Variants in PLCB1 observed in about 807,000 individuals in gnomAD.
PLCB1 encodes 1-phosphatidylinositol 4,5-bisphosphate phosphodiesterase beta-1.
PLCB1 carries 46 observed loss-of-function variants against 161.8 expected under a neutral mutation model. The observed-to-expected ratio is 0.28, with a 90% CI of 0.22 to 0.36. The LOEUF is 0.36. Ranked by LOEUF, PLCB1 falls within the 10% of genes least tolerant of loss-of-function variation. The pLI, the probability that PLCB1 is intolerant of heterozygous loss-of-function variation, is 1.00. For synonymous variants in PLCB1, 517 were observed against 503.7 expected, an observed-to-expected ratio of 1.03 and a Z score of -0.35; for missense variants, 1,016 against 1,472.5, an observed-to-expected ratio of 0.69 and a Z score of 5.07.
chr20:8,499,154 C>T (rs575232802), intron 3 of PLCB1, among the ~76,000 whole-genome samples: 1 of 152,306 alleles, frequency 6.6e-6, no homozygotes, highest in East Asian at 1.9e-4. Context: ...ATGTGGTTTT[C>T]ATTCAGAAAG....
chr20:8,753,303 A>G (rs945980435), intron 23 of PLCB1, among the ~76,000 whole-genome samples: 2 of 152,136 alleles, frequency 1.3e-5, no homozygotes, highest in Admixed American at 6.6e-5. Context: ...TACTGAAACC[A>G]TCCCCTCAAT....
intron 3 of PLCB1, among the ~76,000 whole-genome samples, chr20:8,624,199 CTCTTATAT>C (rs1198007911): frequency 6.6e-6 from 1 of 152,124 alleles, no homozygotes; most frequent in Non-Finnish European, 1.5e-5. Flanking sequence ...ACTGGAAAGC[CTCTTATAT>C]GCTTGATGAT....
intron 2 of PLCB1, among the ~76,000 whole-genome samples, chr20:8,322,832 A>C (rs796948021): frequency 2.8e-4 from 42 of 152,308 alleles, no homozygotes; most frequent in African/African-American, 8.9e-4. Flanking sequence ...AGCTTACTTC[A>C]TCTGTCAGAG....
At chr20:8,133,921 G>A (rs2051317562) in intron 1 of PLCB1, among the ~76,000 whole-genome samples, 6 of 152,148 alleles carry the variant, frequency 3.9e-5, no homozygotes, top group Admixed American at 3.9e-4. Flanking sequence ...ATTTTCCAGT[G>A]TCTGAAAACA....
At chr20:8,260,121 C>T (rs1172867923) in intron 2 of PLCB1, among the ~76,000 whole-genome samples, 1 of 150,470 alleles carries the variant, frequency 6.6e-6, no homozygotes, top group Non-Finnish European at 1.5e-5. Flanking sequence ...GACAGTGTTG[C>T]CCAGACTGGA....
intron 3 of PLCB1, among the ~76,000 whole-genome samples, chr20:8,567,440 A>G (rs1266844138): frequency 1.3e-5 from 2 of 152,022 alleles, no homozygotes; most frequent in East Asian, 3.9e-4. Flanking sequence ...GGACAACCCA[A>G]TGCCTGGGAA....
chr20:8,646,625 A>G (rs1275940890), intron 5 of PLCB1, among the ~76,000 whole-genome samples: 2 of 152,210 alleles, frequency 1.3e-5, no homozygotes, highest in Non-Finnish European at 2.9e-5. Flanking sequence ...ACTTAAATCA[A>G]TAGGCTGACA....
chr20:8,679,592 G>T (rs1200459826), intron 9 of PLCB1, among the ~76,000 whole-genome samples: 2 of 152,166 alleles, frequency 1.3e-5, no homozygotes, highest in African/African-American at 4.8e-5. Context: ...CGTCATAGCA[G>T]AATTTTGAAT....
chr20:8,700,507 AC>A (rs1401012075), intron 11 of PLCB1, among the ~76,000 whole-genome samples: 10 of 152,220 alleles, frequency 6.6e-5, no homozygotes, highest in African/African-American at 2.4e-4. Flanking sequence ...GGCTGATTGA[AC>A]ATCTCTTTCT....
At chr20:8,615,932 C>A (rs1988029259) in intron 3 of PLCB1, among the ~76,000 whole-genome samples, 1 of 152,092 alleles carries the variant, frequency 6.6e-6, no homozygotes, top group African/African-American at 2.4e-5. Context: ...CATAATCATA[C>A]CCTGTACTCC....
chr20:8,661,373 G>T (rs867861298), intron 9 of PLCB1, among the ~76,000 whole-genome samples: 2 of 152,068 alleles, frequency 1.3e-5, no homozygotes, highest in East Asian at 3.9e-4. Context: ...TATCTAGCAC[G>T]TGGGAAGGAC....
intron 3 of PLCB1, among the ~76,000 whole-genome samples, chr20:8,574,212 A>G (rs1300764603): frequency 2.6e-5 from 4 of 152,290 alleles, no homozygotes; most frequent in East Asian, 1.9e-4. Context: ...AGACCAACCA[A>G]TATGGGTGAA....
chr20:8,865,426 T>C (rs960327817), intron 31 of PLCB1, among the ~76,000 whole-genome samples: 1 of 152,232 alleles, frequency 6.6e-6, no homozygotes, highest in East Asian at 1.9e-4. Flanking sequence ...TCTGCATGTA[T>C]ATTCATCATT....
intron 3 of PLCB1, among the ~76,000 whole-genome samples, chr20:8,501,245 A>C (rs149984830): frequency 2.0e-5 from 3 of 152,198 alleles, no homozygotes; most frequent in Admixed American, 2.0e-4. Context: ...TTCTAACTCT[A>C]AATTAATGTC....
chr20:8,434,392 A>C (rs1980207297), intron 3 of PLCB1, among the ~76,000 whole-genome samples: 1 of 152,216 alleles, frequency 6.6e-6, no homozygotes, highest in African/African-American at 2.4e-5. Flanking sequence ...AAATAATAAT[A>C]ATATATGAAA....
At chr20:8,685,910 A>G (rs1033096623) in intron 10 of PLCB1, among the ~76,000 whole-genome samples, 3 of 152,198 alleles carry the variant, frequency 2.0e-5, no homozygotes, top group Non-Finnish European at 4.4e-5. Flanking sequence ...GCCTTGACCT[A>G]TTTGGCAGTC....
intron 4 of PLCB1, among the ~76,000 whole-genome samples, chr20:8,630,064 TTTTC>T (rs1359750449): frequency 6.9e-6 from 1 of 145,696 alleles, no homozygotes; most frequent in East Asian, 2.0e-4. Context: ...CTTTCTTTCT[TTTTC>T]TCTCTCTCTC....
intron 3 of PLCB1, among the ~76,000 whole-genome samples, chr20:8,549,706 G>A (rs1568504110): frequency 6.6e-6 from 1 of 152,120 alleles, no homozygotes; most frequent in African/African-American, 2.4e-5. Flanking sequence ...GTGTAGCTGG[G>A]ACTACAGGTG....
Position 8,513,899 on chromosome 20 carries a change from G to C in PLCB1, c.247-114395G>C, listed in dbSNP as rs1039373012. ...AAAAATTAGCTGGGCATGGTGGTGT[G>C]TGCCTGTAGTCCCAGCTACCAGGAG... On this transcript the variant is annotated intron_variant, in intron 3 of 31. Transcript: ENST00000338037. Among the ~76,000 whole-genome samples, 20 of 151,798 alleles carry C rather than the reference G, an allele frequency of 1.3e-4. 1 individual carries two copies. The highest frequency in any genetic ancestry group is 4.6e-4 in the African/African-American group (19 of 41,350).
Sources: gnomAD v4.1 joint callset for allele counts (sites outside exome capture counted in the v4.1 genomes callset) on GRCh38, gnomAD v4.1.1 for gene constraint, MANE v1.5 for transcripts, NCBI Gene and HGNC (gene_info 2026-07-23, HGNC 2026-07-21) for gene names.